NEB: variants seen among roughly 807,000 people sequenced by gnomAD.
NEB encodes the protein nebulin.
NEB carries 512 observed loss-of-function variants against 952.2 expected under a neutral mutation model. The ratio of observed to expected loss-of-function variants is 0.54; its 90% CI spans 0.50 to 0.58. The LOEUF (loss-of-function observed/expected upper bound fraction) is 0.58. Ranked by LOEUF, NEB falls within the 20% of genes least tolerant of loss-of-function variation. The pLI is 0.00. For synonymous variants in NEB, 2,900 were observed against 3,149.8 expected (o/e 0.92, Z 2.66); for missense variants, 8,428 against 9,231.1 (o/e 0.91, Z 3.56).
chr2:151,555,449 G>GA (rs2095590138), intron 124 of NEB, among the ~76,000 whole-genome samples: 1 of 152,140 alleles, frequency 6.6e-6, no homozygotes, highest in African/African-American at 2.4e-5. Context: ...CTGTGCTTAG[G>GA]AATATCTTTG....
chr2:151,671,355 G>T, intron 37 of NEB, 126 bp from the exon 38 acceptor site: 1 of 751,392 alleles, frequency 1.3e-6, no homozygotes. Flanking sequence ...CTGACTGTCT[G>T]TCACAGAGCT....
Position 151,502,781 on chromosome 2 carries a change from C to A in NEB, c.23928+12G>T. 1 of 1,516,110 alleles carries A rather than the reference C, an allele frequency of 6.6e-7. No homozygotes were observed. The highest frequency in any genetic ancestry group is 9.1e-7 in the Non-Finnish European group (1 of 1,095,914). 93.9% of individuals were successfully genotyped at this position (1,516,110 alleles called of 1,614,324 possible). Reference sequence around the variant, plus strand: ...TAAGGGATTTTTTTTTTTTTGGCCCCCTAAGAAATACCGAGCTAAAGTTCT... The same window carrying A: ...TAAGGGATTTTTTTTTTTTTGGCCCACTAAGAAATACCGAGCTAAAGTTCT... On this transcript the variant is annotated intron_variant, in intron 167 of 181. Transcript: ENST00000397345.
chr2:151,561,321 A>G lies in NEB; in HGVS notation c.18997-9T>C, dbSNP rs1377432083. 14 of 1,569,342 alleles carry G rather than the reference A, an allele frequency of 8.9e-6. No individual in the cohort carries two copies. The highest frequency in any genetic ancestry group is 1.1e-5 in the Non-Finnish European group (13 of 1,154,442). On this transcript the variant is annotated splice_polypyrimidine_tract_variant and intron_variant, in intron 121 of 181. Transcript: ENST00000397345. ...GCTGCTGTATATTGTAGCTGTGAAG[A>G]AAAACAAAAGTCATCAAAAATGGTA...
Position 151,505,587 on chromosome 2 carries a change from G to A in NEB, c.23650-17C>T, listed in dbSNP as rs759543426. The stretch of plus-strand genomic sequence containing the variant: ...ATACTTCACCTGCAGATTTAAAAAT[G>A]GGAAAAGAAAGGTATTATTACATGC... On this transcript the variant is annotated splice_polypyrimidine_tract_variant and intron_variant, in intron 164 of 181. Transcript: ENST00000397345. 1 of 1,591,806 alleles carries A rather than the reference G, an allele frequency of 6.3e-7. No homozygotes were observed.
In NEB at chr2:151,679,936, A is replaced by G; in HGVS notation, c.3129T>C (p.Asn1043=). ...DLPQFIQAKV[N]AYNISENMYK... is the part of the protein sequence containing the mutation. ...CACGCACCTCACTGATATTGTAGGC[A>G]TTAACTTTAGCCTGGATGAACTGGG... is the stretch of plus-strand genomic sequence containing the variant. Residue 1043 remains asparagine (N), a synonymous_variant, in exon 31 of 182, where the codon AAT becomes AAC. Coordinates refer to ENST00000397345, the MANE Select transcript of NEB (RefSeq NM_001164508.2). The G allele has an allele frequency of 6.2e-7, 1 of 1,613,286 alleles. No homozygotes were observed. Among genetic ancestry groups the G allele is most frequent in the Non-Finnish European group, 8.5e-7 (1 of 1,179,164 alleles).
At chr2:151,613,599 A>G (rs532164483) in intron 77 of NEB, among the ~76,000 whole-genome samples, 4 of 152,296 alleles carry the variant, frequency 2.6e-5, no homozygotes, top group African/African-American at 7.2e-5. Flanking sequence ...ATAGTTTGAT[A>G]TAGTTTGGCT....
chr2:151,498,099 A>T, intron 170 of NEB, 161 bp downstream of exon 170: 3 of 1,476,574 alleles, frequency 2.0e-6, no homozygotes, highest in Non-Finnish European at 1.8e-6. Context: ...TAAAAAATTG[A>T]CATTAACTGT....
intron 115 of NEB, 23 bp downstream of exon 115, chr2:151,565,693 G>A (rs780891385): frequency 1.3e-6 from 2 of 1,599,266 alleles, no homozygotes; most frequent in South Asian, 2.2e-5. Flanking sequence ...GCATAGGTTA[G>A]AAGGAGAATA....
intron 12 of NEB, 125 bp downstream of exon 12, chr2:151,709,531 T>G: frequency 1.5e-6 from 1 of 667,336 alleles, no homozygotes; most frequent in Non-Finnish European, 2.6e-6. Context: ...TCCACTGGTC[T>G]CAGCCCTGGT....
chr2:151,609,746 G>T, intron 81 of NEB, 63 bp downstream of exon 81: 1 of 1,481,722 alleles, frequency 6.7e-7, no homozygotes, highest in South Asian at 1.3e-5. Flanking sequence ...CAGAGGCACT[G>T]ACTGGGCAAT....
intron 68 of NEB, among the ~76,000 whole-genome samples, chr2:151,628,661 T>C (rs929632891): frequency 3.9e-5 from 6 of 152,022 alleles, no homozygotes; most frequent in African/African-American, 1.5e-4. Flanking sequence ...GCCAACATGG[T>C]GCAACGCTGT....
rs748120166 is a variant in NEB at position 151,639,912 on chromosome 2, A to G, written c.8834T>C (p.Val2945Ala). 49 of 1,613,866 alleles carry G rather than the reference A, an allele frequency of 3.0e-5. No homozygotes were observed. The highest frequency in any genetic ancestry group is 4.0e-5 in the Non-Finnish European group (47 of 1,179,888). The change falls in exon 62 of 182, where the codon GTG (valine) becomes GCG (alanine). Residue 2945 changes from valine (V) to alanine (A), a missense_variant. Coordinates refer to ENST00000397345, the MANE Select transcript of NEB (RefSeq NM_001164508.2). ...QPPDRFKFTS[V>A]TDSLEQVLAK... ...CAACACTTGTTCCAGAGAGTCAGTCACACTGGTAAATTTGAATCTGTCTGG... is the reference window on the plus strand; with the variant it reads ...CAACACTTGTTCCAGAGAGTCAGTCGCACTGGTAAATTTGAATCTGTCTGG...
At chr2:151,526,826 C>A in intron 148 of NEB, 92 bp downstream of exon 148, 1 of 947,334 alleles carries the variant, frequency 1.1e-6, no homozygotes, top group Non-Finnish European at 1.7e-6. Flanking sequence ...GGAAGCAGCT[C>A]TTCTCCATCC....
chr2:151,503,245 A>C, intron 166 of NEB, 104 bp downstream of exon 166: 1 of 826,116 alleles, frequency 1.2e-6, no homozygotes, highest in South Asian at 1.5e-5. Context: ...ACACACAGAC[A>C]CACACAGAAT....
intron 24 of NEB, among the ~76,000 whole-genome samples, chr2:151,688,626 G>A (rs1264268108): frequency 2.6e-5 from 4 of 152,132 alleles, no homozygotes; most frequent in Non-Finnish European, 5.9e-5. Context: ...GTAGCTGCCT[G>A]AAATCATAGA....
Position 151,643,950 on chromosome 2 carries a change from C to G in NEB, c.7824G>C (p.Gly2608=), listed in dbSNP as rs1185596471. The change falls in exon 57 of 182, where the codon GGG becomes GGC. Residue 2608 remains glycine (G), a synonymous_variant. Coordinates refer to ENST00000397345, the MANE Select transcript of NEB (RefSeq NM_001164508.2). ...TKFSSPVDML[G]VVLAKKCQTL... Reference sequence around the variant, plus strand: ...TCTGGCACTTCTTGGCCAACACCACCCCCAGCATGTCCACTGGGCTGCTGA... The same window carrying G: ...TCTGGCACTTCTTGGCCAACACCACGCCCAGCATGTCCACTGGGCTGCTGA... The G allele has an allele frequency of 5.0e-6, 8 of 1,613,884 alleles. No homozygotes were observed. Among genetic ancestry groups the G allele is most frequent in the Non-Finnish European group, 6.8e-6 (8 of 1,179,820 alleles).
At position 151,570,648 on chromosome 2, in the gene NEB, A is replaced by G. The variant is rs755868416; in HGVS notation, c.17014-47T>C. 2.9e-5 allele frequency: 44 copies of G among 1,509,714 alleles called. No individual in the cohort carries two copies. The South Asian group carries it at 4.6e-4, about 16-fold the overall frequency. The allele number at this position is 1,509,714 out of a possible 1,614,324, so 93.5% of individuals were successfully genotyped here. Reference sequence around the variant, plus strand: ...TATCATCCTAGATTCAAATTTGCCAATACCTTCAATGGCTCAGGTGGAATT... The same window carrying G: ...TATCATCCTAGATTCAAATTTGCCAGTACCTTCAATGGCTCAGGTGGAATT... On this transcript the variant is annotated intron_variant, in intron 107 of 181. Transcript: ENST00000397345.
chr2:151,514,122 CTG>C (rs2076288968), intron 159 of NEB, among the ~76,000 whole-genome samples, 194 bp downstream of exon 159: 1 of 152,162 alleles, frequency 6.6e-6, no homozygotes, highest in African/African-American at 2.4e-5. Context: ...CAGAAACACA[CTG>C]TTACAATATC....
At position 151,643,169 on chromosome 2, in the gene NEB, T is replaced by C; in HGVS notation, c.8141A>G (p.Asn2714Ser). Residue 2714 changes from asparagine to serine, a missense_variant, in exon 58 of 182, where the codon AAT (asparagine) becomes AGT (serine). Physicochemically the swap from Asn to Ser is conservative, Grantham distance 46. Transcript: ENST00000397345. ...ACTTACATGATTCATGGTAATAGCA[T>C]TGTTTTTTGCCAAAACCATTGGTAT... Reference protein sequence around the residue: ...DSIPMVLAKNNAITMNHRLYT... With the variant: ...DSIPMVLAKNSAITMNHRLYT... 1 of 1,613,208 alleles carries C rather than the reference T, an allele frequency of 6.2e-7. No individual in the cohort carries two copies. The highest frequency in any genetic ancestry group is 8.5e-7 in the Non-Finnish European group (1 of 1,179,268).
Sources: allele counts gnomAD v4.1 joint callset (sites outside exome capture counted in the v4.1 genomes callset), GRCh38; gene constraint gnomAD v4.1.1; transcripts MANE v1.5; gene names NCBI Gene and HGNC (gene_info 2026-07-23, HGNC 2026-07-21).